The following ADNP variants were observed in gnomAD, a reference collection of about 807,000 sequenced individuals.
The protein encoded by ADNP is activity dependent neuroprotector homeobox, also known as activity-dependent neuroprotector homeobox protein.
Under a neutral mutation model 84.9 loss-of-function variants are expected in ADNP, and 4 were observed. That is an observed-to-expected ratio of 0.05 (90% CI 0.02 to 0.11). The LOEUF is 0.11. ADNP is among the 10% of genes least tolerant of loss of function. ADNP has a pLI of 1.00. For synonymous variants in ADNP, 554 were observed against 468.1 expected, an observed-to-expected ratio of 1.18 and a Z score of -2.37; for missense variants, 1,132 against 1,326.0, an observed-to-expected ratio of 0.85 and a Z score of 2.27.
At position 50,893,075 on chromosome 20, in the gene ADNP, T is replaced by C; in HGVS notation, c.1639A>G (p.Thr547Ala). The C allele has an allele frequency of 1.2e-6, 2 of 1,614,240 alleles. No homozygotes were observed. Among genetic ancestry groups the C allele is most frequent in the Non-Finnish European group, 1.7e-6 (2 of 1,180,048 alleles). ...TGCAATGTCAAATCAAAACTCAAAG[T>C]AGAATCTGTTTTAGGTCCCATCTCT... is the stretch of plus-strand genomic sequence containing the variant. ...DEEMGPKTDS[T>A]LSFDLTLQQG... The change falls in exon 6 of 6, where the codon ACT (threonine) becomes GCT (alanine). Residue 547 changes from threonine (T) to alanine (A), a missense_variant. Physicochemically the swap from Thr to Ala is moderately conservative, Grantham distance 58. This residue lies in a region of ADNP where 87 missense variants were observed against 181.4 expected (regional missense o/e 0.48). Coordinates refer to ENST00000621696, the MANE Select transcript of ADNP (RefSeq NM_001282531.3). This position sits in a 1 kb window ranked among gnomAD's most constrained non-coding sequence, Gnocchi z 4.4.
In ADNP at chr20:50,891,106, G is replaced by T; in HGVS notation, c.*299C>A. On this transcript the variant is annotated 3_prime_UTR_variant, in exon 6 of 6. Transcript: ENST00000621696. ...ACATCTGACCAATCATTTCACAGAG[G>T]GAAAGAAATGTTGAAAAGGCAGATA... 1 of 1,168,208 alleles carries T rather than the reference G, an allele frequency of 8.6e-7. No individual in the cohort carries two copies. Among genetic ancestry groups the T allele is most frequent in the South Asian group, 3.4e-5 (1 of 29,580 alleles). 72.4% of individuals were successfully genotyped at this position (1,168,208 alleles called of 1,614,324 possible).
rs11470054 is a variant in ADNP at position 50,901,321 on chromosome 20, TAAAAAAA to T, written c.201+689_201+695del. Among the ~76,000 whole-genome samples, 19 of 92,754 alleles carry T rather than the reference TAAAAAAA, an allele frequency of 2.0e-4. 1 individual carries two copies. The highest frequency in any genetic ancestry group is 6.3e-4 in the East Asian group (2 of 3,174). The allele number at this position is 92,754 out of a possible 152,430, so 60.9% of individuals were successfully genotyped here. ...GGTTAGTAACTTTGCCTGGGGTATTTAAAAAAAAAAAAAAAAAAAAAAAAAAGTCAAA... is the reference window on the plus strand; with the variant it reads ...GGTTAGTAACTTTGCCTGGGGTATTTAAAAAAAAAAAAAAAAAAAGTCAAA... On this transcript the variant is annotated intron_variant, in intron 5 of 5. Transcript: ENST00000621696.
At chr20:50,926,012 A>C (rs1984265344) in intron 2 of ADNP, among the ~76,000 whole-genome samples, 1 of 152,210 alleles carries the variant, frequency 6.6e-6, no homozygotes, top group African/African-American at 2.4e-5. Context: ...AGGCAGGAAA[A>C]TCACTCGAAC....
At chr20:50,895,103 GAAATA>G (rs1355492227) in intron 5 of ADNP, among the ~76,000 whole-genome samples, 1 of 152,166 alleles carries the variant, frequency 6.6e-6, no homozygotes, top group Non-Finnish European at 1.5e-5. Context: ...TTTGCAGCTA[GAAATA>G]ACAAGAATAA....
chr20:50,917,847 T>C (rs1983632454), intron 2 of ADNP, among the ~76,000 whole-genome samples: 1 of 152,184 alleles, frequency 6.6e-6, no homozygotes, highest in Non-Finnish European at 1.5e-5. Flanking sequence ...TGTGGTCATA[T>C]CCACATAATG....
At position 50,891,143 on chromosome 20, in the gene ADNP, T is replaced by TGCTTTTCCTCGTGTG; in HGVS notation, c.*247_*261dup. ...TGAAAAGGCAGATAAAATAAACCTCTGCTTTTCCTCGTGTGTATTCATGAG... is the reference window on the plus strand; with the variant it reads ...TGAAAAGGCAGATAAAATAAACCTCTGCTTTTCCTCGTGTGGCTTTTCCTCGTGTGTATTCATGAG... On this transcript the variant is annotated 3_prime_UTR_variant, in exon 6 of 6. Transcript: ENST00000621696. 1 of 1,254,152 alleles carries TGCTTTTCCTCGTGTG rather than the reference T, an allele frequency of 8.0e-7. No homozygotes were observed. Among genetic ancestry groups the TGCTTTTCCTCGTGTG allele is most frequent in the Non-Finnish European group, 1.0e-6 (1 of 1,000,378 alleles). 77.7% of individuals were successfully genotyped at this position (1,254,152 alleles called of 1,614,324 possible).
intron 2 of ADNP, among the ~76,000 whole-genome samples, chr20:50,928,258 A>G (rs998181045): frequency 6.6e-6 from 1 of 152,238 alleles, no homozygotes; most frequent in African/African-American, 2.4e-5. Flanking sequence ...GGTACCCACA[A>G]ACATCAACCA....
chr20:50,906,553 A>G (rs1239174553), intron 2 of ADNP, among the ~76,000 whole-genome samples: 1 of 152,230 alleles, frequency 6.6e-6, no homozygotes, highest in East Asian at 1.9e-4. Context: ...AAAGACATAA[A>G]GATTTGGAAA....
intron 2 of ADNP, among the ~76,000 whole-genome samples, chr20:50,924,781 C>T (rs1412925197): frequency 6.6e-6 from 1 of 152,216 alleles, no homozygotes; most frequent in Admixed American, 6.5e-5. Flanking sequence ...TATACCCTTA[C>T]TGAAGAGGGT....
chr20:50,897,452 G>C (rs961766516), intron 5 of ADNP, among the ~76,000 whole-genome samples: 3 of 151,992 alleles, frequency 2.0e-5, no homozygotes, highest in Non-Finnish European at 4.4e-5. Flanking sequence ...TCCACACCCC[G>C]GTTAAAGTTG....
Position 50,931,206 on chromosome 20 carries a change from A to AGC in ADNP, c.-647_-646dup, listed in dbSNP as rs1405532791. 7.6e-6 allele frequency: 1 copy of AGC among 130,892 alleles called. No individual in the cohort carries two copies. The highest frequency in any genetic ancestry group is 1.6e-5 in the Non-Finnish European group (1 of 62,504). 8.1% of individuals were successfully genotyped at this position (130,892 alleles called of 1,614,324 possible). A position where few individuals can be genotyped will look rare whatever the true frequency, so the allele number is the denominator to read the frequency against. On this transcript the variant is annotated 5_prime_UTR_variant, in exon 1 of 6. Transcript: ENST00000621696. The stretch of plus-strand genomic sequence containing the variant: ...CTGAGAAGACGCCAAAATCCCCCTT[A>AGC]GCGCTGCCTGCGGGAGGGGGAGGGG...
chr20:50,916,375 C>T (rs1443302563), intron 2 of ADNP, among the ~76,000 whole-genome samples: 5 of 152,164 alleles, frequency 3.3e-5, no homozygotes, highest in Admixed American at 1.3e-4. Flanking sequence ...TGCTTTACAA[C>T]GCTGTGTAAC....
At chr20:50,914,061 T>C (rs143545690) in intron 2 of ADNP, 35 of 744,362 alleles carry the variant, frequency 4.7e-5, no homozygotes, top group African/African-American at 6.9e-5. Flanking sequence ...CCCTACATCA[T>C]GCAGCTTCCA....
Position 50,891,353 on chromosome 20 carries a change from G to A in ADNP, c.*52C>T. 1 of 1,517,414 alleles carries A rather than the reference G, an allele frequency of 6.6e-7. No individual in the cohort carries two copies. Among genetic ancestry groups the A allele is most frequent in the Admixed American group, 2.2e-5 (1 of 46,474 alleles). 94.0% of individuals were successfully genotyped at this position (1,517,414 alleles called of 1,614,324 possible). A position where few individuals can be genotyped will look rare whatever the true frequency, so the allele number is the denominator to read the frequency against. ...AGAAGACAGCTTTGCAGTCACACTG[G>A]ATATCAGAGTTCCAGGCTGCAGCAT... On this transcript the variant is annotated 3_prime_UTR_variant, in exon 6 of 6. Coordinates refer to ENST00000621696, the MANE Select transcript of ADNP (RefSeq NM_001282531.3).
At position 50,892,090 on chromosome 20, in the gene ADNP, G is replaced by C. The variant is rs753993805; in HGVS notation, c.2624C>G (p.Ser875Cys). The C allele has an allele frequency of 1.2e-6, 2 of 1,614,116 alleles. No individual in the cohort carries two copies. Among genetic ancestry groups the C allele is most frequent in the Non-Finnish European group, 1.7e-6 (2 of 1,180,020 alleles). The change falls in exon 6 of 6, where the codon TCC becomes TGC. Residue 875 changes from serine (S) to cysteine (C), a missense_variant. Physicochemically the swap from Ser to Cys is moderately radical, Grantham distance 112 (BLOSUM62 -1). Transcript: ENST00000621696. ...KLNLGKEDDS[S>C]SDSFENLEEE... The stretch of plus-strand genomic sequence containing the variant: ...TTCCAAATTTTCAAAACTGTCTGAG[G>C]AACTGTCATCTTCCTTCCCAAGGTT...
At chr20:50,920,305 A>G (rs998969792) in intron 2 of ADNP, among the ~76,000 whole-genome samples, 15 of 142,088 alleles carry the variant, frequency 1.1e-4, no homozygotes, top group African/African-American at 3.9e-4. Context: ...AAGAAAAAGA[A>G]AGCAGTGGCT....
At chr20:50,918,700 A>T (rs1983700107) in intron 2 of ADNP, among the ~76,000 whole-genome samples, 1 of 152,228 alleles carries the variant, frequency 6.6e-6, no homozygotes, top group Non-Finnish European at 1.5e-5. Flanking sequence ...TAGAGAAAAG[A>T]TCTTCAGAGA....
intron 2 of ADNP, among the ~76,000 whole-genome samples, chr20:50,906,934 C>T (rs1311859155): frequency 7.0e-6 from 1 of 142,932 alleles, no homozygotes; most frequent in Non-Finnish European, 1.5e-5. Flanking sequence ...TAGGAGAAAT[C>T]TGTATTTTTT....
intron 2 of ADNP, among the ~76,000 whole-genome samples, chr20:50,922,580 T>G (rs938453984): frequency 7.0e-6 from 1 of 142,710 alleles, no homozygotes; most frequent in East Asian, 2.0e-4. Flanking sequence ...CCTCCTGCGT[T>G]TTTTTTTTTT....
Sources: gnomAD v4.1 joint callset for allele counts (sites outside exome capture counted in the v4.1 genomes callset) on GRCh38, gnomAD v4.1.1 for gene constraint, gnomAD v4.1.1 regional missense constraint, Gnocchi (gnomAD v3.1) non-coding constraint, MANE v1.5 for transcripts, NCBI Gene and HGNC (gene_info 2026-07-23, HGNC 2026-07-21) for gene names.